Variants in MUSK observed in about 807,000 individuals in gnomAD.
MUSK encodes the protein muscle, skeletal receptor tyrosine-protein kinase.
A neutral mutation model predicts 88.7 loss-of-function variants in MUSK; 55 were observed. The ratio of observed to expected loss-of-function variants is 0.62; its 90% CI spans 0.50 to 0.78. The LOEUF is 0.78. Among genes scored for constraint, MUSK ranks in the 30% least tolerant of loss-of-function variants. MUSK has a pLI of 0.00. For missense variants in MUSK, 1,015 were observed against 1,074.3 expected, an observed-to-expected ratio of 0.94 and a Z score of 0.77; for synonymous variants, 387 against 391.9, an observed-to-expected ratio of 0.99 and a Z score of 0.15.
chr9:110,705,765 G>A (rs1010100540), intron 5 of MUSK, among the ~76,000 whole-genome samples: 2 of 152,196 alleles, frequency 1.3e-5, no homozygotes, highest in Admixed American at 1.3e-4. Flanking sequence ...CATCTGGGAG[G>A]CAGAAGAAAG....
At chr9:110,698,653 T>C (rs1333970170) in intron 5 of MUSK, among the ~76,000 whole-genome samples, 1 of 152,194 alleles carries the variant, frequency 6.6e-6, no homozygotes, top group Non-Finnish European at 1.5e-5. Flanking sequence ...TATTATGTCA[T>C]TGTACCAATT....
rs141429675 is a variant in MUSK, at chr9:110,781,771, C to T, written c.1385-3044C>T. 2.4e-4 allele frequency among the ~76,000 whole-genome samples: 37 copies of T among 152,274 alleles called. No individual in the cohort carries two copies. The East Asian group carries it at 4.4e-3, about 18-fold the overall frequency. ...CTCCCTGTGTCCTCACATGGCAGAA[C>T]GGGCGAGGGAGCTTTCTTGGACCTC... is the stretch of plus-strand genomic sequence containing the variant. On this transcript the variant is annotated intron_variant, in intron 11 of 14. Transcript: ENST00000374448.
chr9:110,772,855 C>A (rs2077601192), intron 9 of MUSK, among the ~76,000 whole-genome samples: 1 of 152,010 alleles, frequency 6.6e-6, no homozygotes, highest in Admixed American at 6.6e-5. Context: ...AAAGTCTCTA[C>A]CTTTATTCAT....
At chr9:110,756,442 T>C (rs1161820618) in intron 7 of MUSK, among the ~76,000 whole-genome samples, 1 of 151,854 alleles carries the variant, frequency 6.6e-6, no homozygotes, top group Non-Finnish European at 1.5e-5. Context: ...CACAGGAATG[T>C]CCCATGTCCC....
At chr9:110,680,919 T>C (rs1282414548) in intron 1 of MUSK, among the ~76,000 whole-genome samples, 1 of 108,406 alleles carries the variant, frequency 9.2e-6, no homozygotes, top group Non-Finnish European at 1.8e-5. Context: ...CTGTATTTCT[T>C]TGTATTATGT....
chr9:110,787,924 T>C (rs1444323216), intron 14 of MUSK, 86 bp downstream of exon 14: 1 of 1,447,870 alleles, frequency 6.9e-7, no homozygotes, highest in South Asian at 1.2e-5. Context: ...CTTTTTCCTT[T>C]TCTCCTTGAT....
chr9:110,755,917 G>A (rs2077304882), intron 7 of MUSK, among the ~76,000 whole-genome samples: 1 of 103,922 alleles, frequency 9.6e-6, no homozygotes, highest in Non-Finnish European at 1.9e-5. Context: ...TCAGTGCCCA[G>A]TGCCATATAT....
At chr9:110,755,588 A>G (rs2077300222) in intron 7 of MUSK, among the ~76,000 whole-genome samples, 1 of 152,112 alleles carries the variant, frequency 6.6e-6, no homozygotes, top group Non-Finnish European at 1.5e-5. Flanking sequence ...TTTAGAGATT[A>G]AAAACCCAGC....
At chr9:110,797,312 G>T (rs1298749560) in intron 14 of MUSK, among the ~76,000 whole-genome samples, 2 of 151,960 alleles carry the variant, frequency 1.3e-5, no homozygotes, top group African/African-American at 4.8e-5. Context: ...GTTTCAGTGG[G>T]GTCAAAGGAT....
chr9:110,712,352 G>A (rs962649056), intron 5 of MUSK, among the ~76,000 whole-genome samples: 3 of 151,924 alleles, frequency 2.0e-5, no homozygotes, highest in African/African-American at 7.3e-5. Context: ...CCATCCAGAG[G>A]TTTTCTCCCT....
rs150582776 is a variant in MUSK at position 110,746,717 on chromosome 9, A to G, written c.754-924A>G. On this transcript the variant is annotated intron_variant, in intron 6 of 14. Transcript: ENST00000374448. ...TCCTGACGTGTTGAACTATTTCAAC[A>G]CCTGGATGAAGTCCAGGAGAAGAGA... is the stretch of plus-strand genomic sequence containing the variant. 2.4e-3 allele frequency among the ~76,000 whole-genome samples: 371 copies of G among 152,314 alleles called. 3 individuals carry two copies. Among genetic ancestry groups the G allele is most frequent in the Non-Finnish European group, 1.7e-3 (118 of 68,026 alleles).
chr9:110,742,026 C>T (rs998922559), intron 6 of MUSK, among the ~76,000 whole-genome samples: 2 of 152,180 alleles, frequency 1.3e-5, no homozygotes, highest in African/African-American at 4.8e-5. Flanking sequence ...CTTGGAGTGC[C>T]TGTTCTTTAC....
In MUSK at chr9:110,800,305, G is replaced by C. The variant is rs2078071617; in HGVS notation, c.1928-1G>C. On this transcript the variant is annotated splice_acceptor_variant, in intron 14 of 14. Coordinates refer to ENST00000374448, the MANE Select transcript of MUSK (RefSeq NM_005592.4). LOFTEE classifies it high-confidence loss of function. Reference sequence around the variant, plus strand: ...TAACAGGGATGGTCTTTTGGTTCCAGGAGTGTGTGCTGTCGGGAAGCCAAT... The same window carrying C: ...TAACAGGGATGGTCTTTTGGTTCCACGAGTGTGTGCTGTCGGGAAGCCAAT... 6.2e-7 allele frequency: 1 copy of C among 1,603,560 alleles called. No individual in the cohort carries two copies. Among genetic ancestry groups the C allele is most frequent in the African/African-American group, 1.3e-5 (1 of 74,724 alleles).
rs778908470 is a variant in MUSK, at chr9:110,800,498, G to C, written c.2120G>C (p.Arg707Thr). The change falls in exon 15 of 15, where the codon AGG becomes ACG. Residue 707 changes from arginine (R) to threonine (T), a missense_variant. Coordinates refer to ENST00000374448, the MANE Select transcript of MUSK (RefSeq NM_005592.4). ...LSCAEQLCIA[R>T]QVAAGMAYLS... ...TGTGCTGAGCAGCTTTGCATTGCCA[G>C]GCAGGTGGCAGCTGGCATGGCTTAC... 6.2e-7 allele frequency: 1 copy of C among 1,613,746 alleles called. No homozygotes were observed. The highest frequency in any genetic ancestry group is 8.5e-7 in the Non-Finnish European group (1 of 1,179,874).
intron 6 of MUSK, among the ~76,000 whole-genome samples, chr9:110,744,838 CAATT>C (rs1054452681): frequency 1.6e-4 from 25 of 152,258 alleles, no homozygotes; most frequent in Admixed American, 1.3e-3. Flanking sequence ...GTAGTCACCT[CAATT>C]AAGTAATCTG....
intron 1 of MUSK, among the ~76,000 whole-genome samples, chr9:110,681,008 A>ATATACAATATATATTATATAT (rs2076103650): frequency 2.7e-5 from 1 of 37,370 alleles, no homozygotes; most frequent in Non-Finnish European, 4.6e-5. Context: ...ATATTATATT[A>ATATACAATATATATTATATAT]TATATAATAT....
At chr9:110,716,206 A>G (rs1021981951) in intron 5 of MUSK, among the ~76,000 whole-genome samples, 1 of 150,186 alleles carries the variant, frequency 6.7e-6, no homozygotes, top group Admixed American at 6.6e-5. Context: ...AACTGCAATT[A>G]CTTTTTTTGC....
At chr9:110,755,842 T>C (rs1211514710) in intron 7 of MUSK, among the ~76,000 whole-genome samples, 1 of 150,790 alleles carries the variant, frequency 6.6e-6, no homozygotes, top group African/African-American at 2.4e-5. Flanking sequence ...TTTAGTTCTT[T>C]CTCTGTTAAT....
intron 1 of MUSK, among the ~76,000 whole-genome samples, chr9:110,669,812 T>C (rs2075934805): frequency 1.3e-5 from 2 of 152,172 alleles, no homozygotes; most frequent in African/African-American, 4.8e-5. Context: ...TAAAAAGACA[T>C]GAGAAAGCAG....
Sources: allele counts gnomAD v4.1 joint callset (sites outside exome capture counted in the v4.1 genomes callset), GRCh38; gene constraint gnomAD v4.1.1; transcripts MANE v1.5; gene names NCBI Gene and HGNC (gene_info 2026-07-23, HGNC 2026-07-21).